MEP1A: variants seen among roughly 807,000 people sequenced by gnomAD.
MEP1A encodes N-benzoyl-L-tyrosyl-P-amino-benzoic acid hydrolase subunit alpha.
MEP1A carries 68 observed loss-of-function variants against 84.5 expected under a neutral mutation model. The observed-to-expected ratio is 0.80, with a 90% CI of 0.66 to 0.98. MEP1A has a LOEUF of 0.98. Ranked by LOEUF, MEP1A falls within the 50% of genes least tolerant of loss-of-function variation. The probability of loss-of-function intolerance (pLI) is 0.00; values close to 1 mark genes in which losing one functional copy is unlikely to be tolerated. For missense variants in MEP1A, 887 were observed against 919.9 expected, an observed-to-expected ratio of 0.96 and a Z score of 0.46; for synonymous variants, 337 against 336.8, an observed-to-expected ratio of 1.00 and a Z score of -0.01.
At chr6:46,794,754 T>G (rs1767013847) in intron 3 of MEP1A, among the ~76,000 whole-genome samples, 1 of 152,224 alleles carries the variant, frequency 6.6e-6, no homozygotes, top group South Asian at 2.1e-4. Flanking sequence ...CACTAAAATA[T>G]CTCTCTTTAG....
In MEP1A at chr6:46,835,238, A is replaced by G. The variant is rs745733876; in HGVS notation, c.1784-11A>G. On this transcript the variant is annotated splice_polypyrimidine_tract_variant and intron_variant, in intron 12 of 13. Coordinates refer to ENST00000230588, the MANE Select transcript of MEP1A (RefSeq NM_005588.3). ...TCCTGGATCTTCCTCATGACTCTCT[A>G]TTTCCTGAAGATATCACCCACCTCA... The G allele has an allele frequency of 1.2e-5, 19 of 1,574,712 alleles. No individual in the cohort carries two copies. Among genetic ancestry groups the G allele is most frequent in the Non-Finnish European group, 1.5e-5 (17 of 1,163,772 alleles).
chr6:46,827,358 A>G (rs1767971666), intron 9 of MEP1A, among the ~76,000 whole-genome samples: 1 of 152,224 alleles, frequency 6.6e-6, no homozygotes, highest in African/African-American at 2.4e-5. Context: ...CCTGCAGACC[A>G]GCAGCTTCAC....
At chr6:46,813,019 T>C (rs1767542213) in intron 6 of MEP1A, among the ~76,000 whole-genome samples, 1 of 152,128 alleles carries the variant, frequency 6.6e-6, no homozygotes, top group South Asian at 2.1e-4. Flanking sequence ...ATTGTTTCTT[T>C]GTTGACTTTC....
chr6:46,826,534 T>A (rs555546838), intron 9 of MEP1A, 31 bp downstream of exon 9: 1 of 1,459,456 alleles, frequency 6.9e-7, no homozygotes, highest in Non-Finnish European at 9.1e-7. Context: ...AACACATTGA[T>A]GTGGTTCACC....
In MEP1A at chr6:46,839,352, C is replaced by A; in HGVS notation, c.*216C>A. 5.0e-6 allele frequency: 2 copies of A among 399,186 alleles called. No individual in the cohort carries two copies. The highest frequency in any genetic ancestry group is 6.0e-5 in the South Asian group (1 of 16,732). 24.7% of individuals were successfully genotyped at this position (399,186 alleles called of 1,614,324 possible). On this transcript the variant is annotated 3_prime_UTR_variant, in exon 14 of 14. Coordinates refer to ENST00000230588, the MANE Select transcript of MEP1A (RefSeq NM_005588.3). ...ATGTATCTAGTGTGTCCTGTGACAA[C>A]ACTCATCACACTTCATTGTAAATCA...
intron 7 of MEP1A, among the ~76,000 whole-genome samples, chr6:46,822,600 A>G (rs1263913946): frequency 6.6e-6 from 1 of 152,084 alleles, no homozygotes; most frequent in African/African-American, 2.4e-5. Flanking sequence ...CTGGAGTGCA[A>G]CGGTGCAATC....
intron 6 of MEP1A, among the ~76,000 whole-genome samples, chr6:46,817,913 T>C (rs1194041294): frequency 6.6e-6 from 1 of 152,226 alleles, no homozygotes; most frequent in African/African-American, 2.4e-5. Context: ...AAAGTGCCCC[T>C]AAGCCCTTCA....
downstream of MEP1A, among the ~76,000 whole-genome samples, chr6:46,841,434 G>A (rs1371988005): frequency 2.0e-5 from 3 of 152,314 alleles, no homozygotes; most frequent in East Asian, 3.9e-4. Flanking sequence ...AGGAGGACTA[G>A]CAGATACTTT....
chr6:46,825,624 T>A, intron 8 of MEP1A, 131 bp downstream of exon 8: 3 of 686,352 alleles, frequency 4.4e-6, no homozygotes, highest in East Asian at 2.7e-5. Context: ...ACAAACTGCG[T>A]AACTTTTGTT....
downstream of MEP1A, among the ~76,000 whole-genome samples, chr6:46,841,209 G>A (rs1768325930): frequency 6.6e-6 from 1 of 152,180 alleles, no homozygotes; most frequent in African/African-American, 2.4e-5. Context: ...ATGATAAGGA[G>A]GTACCAGAAT....
At chr6:46,845,947 A>T in the MEP1A span, among the ~76,000 whole-genome samples, 1 of 152,212 alleles carries the variant, frequency 6.6e-6, no homozygotes, top group Admixed American at 6.5e-5. Context: ...GAAATAATGA[A>T]ATTAGTTTGA....
intron 5 of MEP1A, among the ~76,000 whole-genome samples, chr6:46,800,382 G>A (rs1031892837): frequency 2.0e-5 from 3 of 152,138 alleles, no homozygotes; most frequent in African/African-American, 4.8e-5. Context: ...GTAGGTCAGC[G>A]TTGGTGTGTG....
In MEP1A at chr6:46,793,485, T is replaced by C; in HGVS notation, c.69+18T>C. 1 of 1,606,846 alleles carries C rather than the reference T, an allele frequency of 6.2e-7. No homozygotes were observed. The highest frequency in any genetic ancestry group is 8.5e-7 in the Non-Finnish European group (1 of 1,175,188). ...CTGTACCGGTAAGTCGAGTCCTGCT[T>C]TTTGGATATTTAGAAATATTAATTC... is the stretch of plus-strand genomic sequence containing the variant. On this transcript the variant is annotated intron_variant, in intron 1 of 13. Transcript: ENST00000230588.
chr6:46,823,674 A>C (rs1767835299), intron 7 of MEP1A, among the ~76,000 whole-genome samples: 1 of 152,192 alleles, frequency 6.6e-6, no homozygotes, highest in African/African-American at 2.4e-5. Flanking sequence ...GGAGAATACG[A>C]GGATGGGAAG....
At chr6:46,835,041 G>A (rs12213841) in intron 12 of MEP1A, among the ~76,000 whole-genome samples, 5,098 of 152,142 alleles carry the variant, frequency 0.034, 83 homozygotes, top group South Asian at 0.06. Flanking sequence ...GCTTCATTTT[G>A]CAAATTCAAT....
chr6:46,797,780 CTT>C lies in MEP1A; in HGVS notation c.146-824_146-823del, dbSNP rs1182377755. On this transcript the variant is annotated intron_variant, in intron 3 of 13. Coordinates refer to ENST00000230588, the MANE Select transcript of MEP1A (RefSeq NM_005588.3). Reference sequence around the variant, plus strand: ...CAATAGTCTTTCTTTCTTTTTCTTTCTTTCTTTCTTTCTCTTTCTTTCTTTCT... The same window carrying C: ...CAATAGTCTTTCTTTCTTTTTCTTTCTCTTTCTTTCTCTTTCTTTCTTTCT... 5.8e-3 allele frequency among the ~76,000 whole-genome samples: 826 copies of C among 142,728 alleles called. 9 individuals are homozygous for C. Among genetic ancestry groups the C allele is most frequent in the African/African-American group, 0.022 (776 of 35,992 alleles). The allele number at this position is 142,728 out of a possible 152,430, so 93.6% of individuals were successfully genotyped here. A position where few individuals can be genotyped will look rare whatever the true frequency, so the allele number is the denominator to read the frequency against.
chr6:46,835,406 G>T lies in MEP1A; in HGVS notation c.1941G>T (p.Gln647His). 6.2e-7 allele frequency: 1 copy of T among 1,612,358 alleles called. No homozygotes were observed. The highest frequency in any genetic ancestry group is 8.5e-7 in the Non-Finnish European group (1 of 1,179,254). Residue 647 changes from glutamine (Q) to histidine (H), a missense_variant, in exon 13 of 14, where the codon CAG (glutamine) becomes CAT (histidine). Coordinates refer to ENST00000230588, the MANE Select transcript of MEP1A (RefSeq NM_005588.3). ...TACCTGTCAGCCTGAGCCAGGGGCA[G>T]CCCAGCCGACAGAAGCGGTCGGTGG... ...EALPVSLSQG[Q>H]PSRQKRSVEN...
In MEP1A at chr6:46,819,604, C is replaced by G; in HGVS notation, c.456C>G (p.Ile152Met). 1 of 1,614,056 alleles carries G rather than the reference C, an allele frequency of 6.2e-7. No homozygotes were observed. Among genetic ancestry groups the G allele is most frequent in the Non-Finnish European group, 8.5e-7 (1 of 1,179,976 alleles). Residue 152 changes from isoleucine to methionine, a missense_variant, in exon 7 of 14, where the codon ATC becomes ATG. Ile to Met is a conservative substitution (Grantham distance 10). Coordinates refer to ENST00000230588, the MANE Select transcript of MEP1A (RefSeq NM_005588.3). ...SIGQGCAYKAIIEHEILHALG... is the reference protein window; with the variant it reads ...SIGQGCAYKAMIEHEILHALG... ...GCCAAGGATGTGCCTATAAGGCCAT[C>G]ATAGAACACGAGATCCTGCATGCTT...
At chr6:46,817,752 T>C (rs1767674689) in intron 6 of MEP1A, among the ~76,000 whole-genome samples, 1 of 152,242 alleles carries the variant, frequency 6.6e-6, no homozygotes, top group Admixed American at 6.5e-5. Context: ...TCCCAACTAC[T>C]TGATTAAGGG....
Sources: gnomAD v4.1 joint callset for allele counts (sites outside exome capture counted in the v4.1 genomes callset) on GRCh38, gnomAD v4.1.1 for gene constraint, MANE v1.5 for transcripts, NCBI Gene and HGNC (gene_info 2026-07-23, HGNC 2026-07-21) for gene names.